The following GRIP1 variants were observed in gnomAD, a reference collection of about 807,000 sequenced individuals.
GRIP1 encodes glutamate receptor interacting protein 1.
GRIP1 carries 45 observed loss-of-function variants against 129.9 expected under a neutral mutation model. That is an observed-to-expected ratio of 0.35 (90% confidence interval 0.27 to 0.44). The LOEUF (loss-of-function observed/expected upper bound fraction) is 0.44, where lower values mean the gene tolerates loss of function less well. Among genes scored for constraint, GRIP1 ranks in the 20% least tolerant of loss-of-function variants. The pLI is 1.00. For synonymous variants in GRIP1, 530 were observed against 520.8 expected (o/e 1.02, Z -0.24); for missense variants, 1,196 against 1,396.8 (o/e 0.86, Z 2.29).
chr12:66,495,969 C>G (rs1247529405), intron 7 of GRIP1, among the ~76,000 whole-genome samples: 3 of 152,132 alleles, frequency 2.0e-5, no homozygotes, highest in African/African-American at 7.2e-5. Context: ...AGAAGGCCGG[C>G]GGGATTTCAT....
Position 66,600,621 on chromosome 12 carries a change from T to A in GRIP1, c.56-3694A>T, listed in dbSNP as rs368979582. Among the ~76,000 whole-genome samples, 32 of 152,346 alleles carry A rather than the reference T, an allele frequency of 2.1e-4. 2 individuals are homozygous for A. The South Asian group carries it at 6.4e-3, about 31-fold the overall frequency. On this transcript the variant is annotated intron_variant, in intron 1 of 24. Transcript: ENST00000359742. ...ACATTATCATCCAATAGCTATTAAGTATTGACTTAATGTGAAAAATCTGAC... is the reference window on the plus strand; with the variant it reads ...ACATTATCATCCAATAGCTATTAAGAATTGACTTAATGTGAAAAATCTGAC...
At chr12:66,829,437 C>G (rs1052417356) in intron 1 of GRIP1, among the ~76,000 whole-genome samples, 2 of 152,134 alleles carry the variant, frequency 1.3e-5, no homozygotes, top group Non-Finnish European at 2.9e-5. Context: ...ATCCAGAACT[C>G]TAAGAGAAAC....
At chr12:67,024,843 T>C (rs1231788880) in intron 1 of GRIP1, among the ~76,000 whole-genome samples, 1 of 152,206 alleles carries the variant, frequency 6.6e-6, no homozygotes, top group Non-Finnish European at 1.5e-5. Context: ...GTCATAATTA[T>C]TCCTAGTCAG....
chr12:67,068,838 C>T (rs2043678825), intron 1 of GRIP1, among the ~76,000 whole-genome samples: 1 of 104,894 alleles, frequency 9.5e-6, no homozygotes, highest in African/African-American at 3.6e-5. Flanking sequence ...CCCTCTCCCG[C>T]TGCCCTCTCA....
intron 1 of GRIP1, among the ~76,000 whole-genome samples, chr12:67,008,502 C>T (rs1234792914): frequency 6.6e-6 from 1 of 152,126 alleles, no homozygotes; most frequent in Admixed American, 6.6e-5. Context: ...ATAAAAGACA[C>T]ATAAAATTAG....
chr12:67,017,559 A>G (rs2135733603), intron 1 of GRIP1, among the ~76,000 whole-genome samples: 1 of 152,180 alleles, frequency 6.6e-6, no homozygotes, highest in South Asian at 2.1e-4. Flanking sequence ...CCTCTTCCCT[A>G]TATGTGCATG....
At chr12:66,991,799 A>T (rs1158192574) in intron 1 of GRIP1, among the ~76,000 whole-genome samples, 1 of 152,242 alleles carries the variant, frequency 6.6e-6, no homozygotes, top group Admixed American at 6.5e-5. Flanking sequence ...AAACTATATC[A>T]GTGAAAACCC....
intron 2 of GRIP1, among the ~76,000 whole-genome samples, chr12:66,546,961 T>C (rs1480001352): frequency 6.6e-6 from 1 of 152,052 alleles, no homozygotes. Context: ...CTGCTTAAGA[T>C]GAAAAGAACA....
At chr12:66,927,171 C>A (rs1479943264) in intron 1 of GRIP1, among the ~76,000 whole-genome samples, 1 of 152,234 alleles carries the variant, frequency 6.6e-6, no homozygotes, top group African/African-American at 2.4e-5. Flanking sequence ...AGATTTCTTA[C>A]CTTAGAGAGC....
intron 1 of GRIP1, among the ~76,000 whole-genome samples, chr12:67,013,427 A>T (rs1194492577): frequency 2.0e-5 from 3 of 152,150 alleles, no homozygotes; most frequent in Non-Finnish European, 2.9e-5. Flanking sequence ...TTTCTCAGTA[A>T]TTTATTGGCC....
intron 1 of GRIP1, among the ~76,000 whole-genome samples, chr12:66,706,171 A>G (rs1022288508): frequency 3.3e-5 from 5 of 152,206 alleles, no homozygotes; most frequent in Admixed American, 2.0e-4. Context: ...CAAAGGTCTA[A>G]TATCTAGAAT....
chr12:67,048,270 T>C lies in GRIP1; in HGVS notation c.58+20780A>G, dbSNP rs540330235. On this transcript the variant is annotated intron_variant, in intron 1 of 1. Coordinates refer to the GRIP1 transcript ENST00000643019. ...AAACGTGACAAGATTTTTAAAATAT[T>C]GTTGCTTATAACAACATATACATTG... is the stretch of plus-strand genomic sequence containing the variant. Among the ~76,000 whole-genome samples, 210 of 152,286 alleles carry C rather than the reference T, an allele frequency of 1.4e-3. 1 individual carries two copies. The South Asian group carries it at 0.015, about 11-fold the overall frequency.
chr12:66,830,449 C>T (rs2039496230), intron 1 of GRIP1, among the ~76,000 whole-genome samples: 1 of 152,186 alleles, frequency 6.6e-6, no homozygotes, highest in South Asian at 2.1e-4. Flanking sequence ...ACACGCTGGC[C>T]TGCAGACAGA....
chr12:66,363,199 CCATATATATATA>C lies in GRIP1; in HGVS notation c.3012+8483_3012+8494del, dbSNP rs2054902794. Among the ~76,000 whole-genome samples, 274 of 35,340 alleles carry C rather than the reference CCATATATATATA, an allele frequency of 7.8e-3. 21 individuals are homozygous for C. Among genetic ancestry groups the C allele is most frequent in the African/African-American group, 0.017 (218 of 13,196 alleles). 23.2% of individuals were successfully genotyped at this position (35,340 alleles called of 152,430 possible). On this transcript the variant is annotated intron_variant, in intron 23 of 24. Coordinates refer to ENST00000359742, the MANE Select transcript of GRIP1 (RefSeq NM_001366722.1). The stretch of plus-strand genomic sequence containing the variant: ...TATATGTATATATGTGTGTGTGTGT[CCATATATATATA>C]TATATATATATATATATAAAGTTTC...
chr12:66,712,331 A>G (rs745343476), intron 1 of GRIP1, among the ~76,000 whole-genome samples: 14 of 151,792 alleles, frequency 9.2e-5, no homozygotes, highest in Admixed American at 1.3e-4. Context: ...GGGAAAATGG[A>G]AAAACCCTTA....
chr12:66,576,971 G>C (rs560610873), intron 2 of GRIP1, among the ~76,000 whole-genome samples: 10 of 152,282 alleles, frequency 6.6e-5, no homozygotes, highest in African/African-American at 2.2e-4. Context: ...ATTACATCCA[G>C]ATCAGGTGAG....
At chr12:66,687,404 A>G (rs12305915) in intron 1 of GRIP1, among the ~76,000 whole-genome samples, 7,493 of 152,224 alleles carry the variant, frequency 0.049, 614 homozygotes, top group African/African-American at 0.17. Context: ...TAGAGTTGAA[A>G]GATGTCTAAG....
At chr12:66,367,589 AC>A (rs1322207758) in intron 23 of GRIP1, among the ~76,000 whole-genome samples, 1 of 152,226 alleles carries the variant, frequency 6.6e-6, no homozygotes, top group Non-Finnish European at 1.5e-5. Flanking sequence ...ATTGGTTGAG[AC>A]CTACTAGTAA....
At chr12:66,482,525 C>T (rs2059835013) in intron 7 of GRIP1, among the ~76,000 whole-genome samples, 1 of 152,148 alleles carries the variant, frequency 6.6e-6, no homozygotes, top group Non-Finnish European at 1.5e-5. Flanking sequence ...CCTTTTCTGG[C>T]AATTGTTTTC....
Sources: gnomAD v4.1 joint callset for allele counts (sites outside exome capture counted in the v4.1 genomes callset) on GRCh38, gnomAD v4.1.1 for gene constraint, MANE v1.5 for transcripts, NCBI Gene and HGNC (gene_info 2026-07-23, HGNC 2026-07-21) for gene names.